Variants in FSTL5 observed in about 807,000 individuals in gnomAD.
The protein encoded by FSTL5 is follistatin-related protein 5.
FSTL5 carries 62 observed loss-of-function variants against 89.1 expected under a neutral mutation model. The ratio of observed to expected loss-of-function variants is 0.70; its 90% CI spans 0.57 to 0.86. The LOEUF is 0.86. Among genes scored for constraint, FSTL5 ranks in the 40% least tolerant of loss-of-function variants. FSTL5 has a pLI of 0.00. For missense variants in FSTL5, 1,057 were observed against 1,001.6 expected (o/e 1.06, Z -0.75); for synonymous variants, 383 against 346.2 (o/e 1.11, Z -1.18).
chr4:161,903,783 T>TC (rs397772744), intron 4 of FSTL5, among the ~76,000 whole-genome samples: 2 of 150,216 alleles, frequency 1.3e-5, no homozygotes, highest in African/African-American at 4.9e-5. Context: ...GTTTTTTTTT[T>TC]CTCTAAAAGC....
Position 161,386,068 on chromosome 4 carries a change from A to T in FSTL5, c.2223T>A (p.Asp741Glu). ...CAGTAAAGGATGGTTGAAATGCCAG[A>T]TCAGATATGTGCAGATTTGTGTAAA... ...FDIYTNLHIS[D>E]LAFQPSFTEA... Residue 741 changes from aspartate to glutamate, a missense_variant, in exon 16 of 16, where the codon GAT (aspartate) becomes GAA (glutamate). Asp to Glu is a conservative substitution (Grantham distance 45). Coordinates refer to ENST00000306100, the MANE Select transcript of FSTL5 (RefSeq NM_020116.5). The T allele has an allele frequency of 6.2e-7, 1 of 1,614,094 alleles. No homozygotes were observed. The highest frequency in any genetic ancestry group is 8.5e-7 in the Non-Finnish European group (1 of 1,179,994).
chr4:161,796,787 A>C (rs1729644439), intron 4 of FSTL5, among the ~76,000 whole-genome samples: 1 of 151,670 alleles, frequency 6.6e-6, no homozygotes, highest in South Asian at 2.1e-4. Flanking sequence ...TTCTTTAAGA[A>C]GTGTACTTAA....
At chr4:161,826,656 G>C (rs1371872) in intron 4 of FSTL5, among the ~76,000 whole-genome samples, 145,769 of 152,226 alleles carry the variant, frequency 0.96, 70,024 homozygotes, top group Non-Finnish European at 1. Context: ...CTTTCTTTGT[G>C]TTTTTTATGG....
At chr4:161,893,074 G>A (rs1255383400) in intron 4 of FSTL5, among the ~76,000 whole-genome samples, 1 of 152,088 alleles carries the variant, frequency 6.6e-6, no homozygotes, top group African/African-American at 2.4e-5. Context: ...TGCATTTCCT[G>A]TGCAGCCATT....
chr4:161,441,378 TTG>T (rs1238744651), intron 15 of FSTL5, among the ~76,000 whole-genome samples: 1 of 152,146 alleles, frequency 6.6e-6, no homozygotes, highest in Non-Finnish European at 1.5e-5. Flanking sequence ...TTGCCCTTCA[TTG>T]TTACAATTTA....
intron 4 of FSTL5, among the ~76,000 whole-genome samples, chr4:161,829,110 G>C (rs1014526730): frequency 1.4e-5 from 2 of 144,434 alleles, no homozygotes; most frequent in Non-Finnish European, 3.0e-5. Flanking sequence ...AAAAAAATTA[G>C]ACAAAGTTAA....
intron 1 of FSTL5, among the ~76,000 whole-genome samples, chr4:162,119,072 A>G (rs554970884): frequency 2.6e-5 from 4 of 152,162 alleles, no homozygotes; most frequent in Non-Finnish European, 5.9e-5. Context: ...ATATATTAAA[A>G]TTAGCCAGAA....
intron 15 of FSTL5, among the ~76,000 whole-genome samples, chr4:161,417,298 C>G (rs1190763529): frequency 1.3e-5 from 2 of 152,184 alleles, no homozygotes; most frequent in East Asian, 1.9e-4. Flanking sequence ...TAATTTTGCA[C>G]AACAACCAAT....
intron 13 of FSTL5, among the ~76,000 whole-genome samples, chr4:161,461,831 T>A (rs77033845): frequency 0.014 from 2,098 of 152,250 alleles, 23 homozygotes; most frequent in Non-Finnish European, 0.02. Flanking sequence ...AATCTATGTG[T>A]GAATGTAATA....
chr4:161,991,459 C>T (rs1736109988), intron 3 of FSTL5, among the ~76,000 whole-genome samples: 1 of 152,036 alleles, frequency 6.6e-6, no homozygotes, highest in Non-Finnish European at 1.5e-5. Flanking sequence ...AAATACAAGT[C>T]AAGCCTCCAT....
chr4:161,874,032 G>C (rs780116938), intron 4 of FSTL5, among the ~76,000 whole-genome samples: 22 of 151,904 alleles, frequency 1.4e-4, no homozygotes, highest in Non-Finnish European at 4.4e-5. Flanking sequence ...GTATATGGAA[G>C]GTATTATTCT....
In FSTL5 at chr4:161,538,315, G is replaced by A; in HGVS notation, c.1178-15C>T. The A allele has an allele frequency of 6.2e-7, 1 of 1,613,224 alleles. No individual in the cohort carries two copies. The highest frequency in any genetic ancestry group is 8.5e-7 in the Non-Finnish European group (1 of 1,179,438). ...ACTGCCATTTGCTGAAAAAAGAAGG[G>A]AAATGCAACTTGTAAACTACAATTT... is the stretch of plus-strand genomic sequence containing the variant. On this transcript the variant is annotated splice_polypyrimidine_tract_variant and intron_variant, in intron 9 of 15. Transcript: ENST00000306100.
intron 2 of FSTL5, among the ~76,000 whole-genome samples, chr4:162,057,906 T>C (rs1362414944): frequency 6.6e-6 from 1 of 152,118 alleles, no homozygotes; most frequent in Admixed American, 6.6e-5. Flanking sequence ...ATCACATCAT[T>C]GCACTCCAGC....
At chr4:161,480,967 G>A in intron 13 of FSTL5, 53 bp downstream of exon 13, 1 of 1,233,654 alleles carries the variant, frequency 8.1e-7, no homozygotes, top group East Asian at 2.6e-5. Flanking sequence ...TTACTACAAT[G>A]ATATAAATAT....
intron 7 of FSTL5, among the ~76,000 whole-genome samples, chr4:161,615,460 AAAAG>A (rs1165987655): frequency 6.7e-6 from 1 of 150,178 alleles, no homozygotes; most frequent in African/African-American, 2.4e-5. Context: ...AAAAAAAAAA[AAAAG>A]AAAGAAAAAG....
chr4:161,866,792 G>A (rs900522359), intron 4 of FSTL5, among the ~76,000 whole-genome samples: 8 of 151,618 alleles, frequency 5.3e-5, no homozygotes, highest in Non-Finnish European at 1.2e-4. Flanking sequence ...AAATATAATT[G>A]TTATTTTCTG....
intron 10 of FSTL5, among the ~76,000 whole-genome samples, chr4:161,524,719 G>A (rs1036342951): frequency 1.3e-5 from 2 of 152,028 alleles, no homozygotes; most frequent in Non-Finnish European, 2.9e-5. Context: ...CAGCATTTTC[G>A]GAGGCTGAGA....
At chr4:161,869,491 C>T (rs1450755431) in intron 4 of FSTL5, among the ~76,000 whole-genome samples, 1 of 152,184 alleles carries the variant, frequency 6.6e-6, no homozygotes, top group Non-Finnish European at 1.5e-5. Flanking sequence ...ACCCATTCCA[C>T]CTTCCCCAGC....
At chr4:161,760,974 C>A (rs1180149450) in intron 5 of FSTL5, among the ~76,000 whole-genome samples, 1 of 152,170 alleles carries the variant, frequency 6.6e-6, no homozygotes, top group Non-Finnish European at 1.5e-5. Flanking sequence ...AGCACCCTCT[C>A]TAGTCAGCTA....
Sources: gnomAD v4.1 joint callset for allele counts (sites outside exome capture counted in the v4.1 genomes callset) on GRCh38, gnomAD v4.1.1 for gene constraint, MANE v1.5 for transcripts, NCBI Gene and HGNC (gene_info 2026-07-23, HGNC 2026-07-21) for gene names.